The following FAM118B variants were observed in gnomAD, a reference collection of about 807,000 sequenced individuals.
The protein encoded by FAM118B is protein FAM118B.
In FAM118B, 24 loss-of-function variants were observed where a neutral mutation model predicts 38.5. The observed-to-expected ratio is 0.62, with a 90% CI of 0.45 to 0.88. FAM118B has a LOEUF of 0.88. FAM118B is among the 40% of genes least tolerant of loss of function. The pLI, the probability that FAM118B is intolerant of heterozygous loss-of-function variation, is 0.00. For missense variants in FAM118B, 334 were observed against 420.0 expected (o/e 0.80, Z 1.79); for synonymous variants, 138 against 156.3 (o/e 0.88, Z 0.87).
At chr11:126,235,813 C>T (rs1950267331) in intron 3 of FAM118B, among the ~76,000 whole-genome samples, 1 of 148,832 alleles carries the variant, frequency 6.7e-6, no homozygotes, top group South Asian at 2.1e-4. Flanking sequence ...GCCACTGTGC[C>T]CGGCCTGGTT....
rs1020440413 is a variant in FAM118B at position 126,261,432 on chromosome 11, G to C, written c.990G>C (p.Met330Ile). 14 of 1,613,788 alleles carry C rather than the reference G, an allele frequency of 8.7e-6. No homozygotes were observed. The highest frequency in any genetic ancestry group is 1.2e-5 in the Non-Finnish European group (14 of 1,179,720). ...CTGATGTCCTCTATTTAGCAGGGAT[G>C]GTGAGAGAAGGTCAGCTAAATGGCT... is the stretch of plus-strand genomic sequence containing the variant. ...EISTRGTSAG[M>I]VREGQLNGSS... is the part of the protein sequence containing the mutation. The change falls in exon 8 of 9, where the codon ATG becomes ATC. Residue 330 changes from methionine (M) to isoleucine (I), a missense_variant. Met to Ile is a conservative substitution (Grantham distance 10, BLOSUM62 1). Coordinates refer to ENST00000533050, the MANE Select transcript of FAM118B (RefSeq NM_024556.4).
At chr11:126,227,356 C>G (rs1950157188) in intron 1 of FAM118B, among the ~76,000 whole-genome samples, 1 of 152,112 alleles carries the variant, frequency 6.6e-6, no homozygotes, top group South Asian at 2.1e-4. Flanking sequence ...GCCACCGTGC[C>G]CAGCCACAAG....
chr11:126,245,648 C>G (rs1950409406), intron 4 of FAM118B, among the ~76,000 whole-genome samples: 1 of 150,662 alleles, frequency 6.6e-6, no homozygotes. Flanking sequence ...CAGCTATGAT[C>G]ATGTCATTGT....
At chr11:126,226,164 T>C (rs1483721275) in intron 1 of FAM118B, among the ~76,000 whole-genome samples, 5 of 122,380 alleles carry the variant, frequency 4.1e-5, no homozygotes, top group African/African-American at 1.7e-4. Context: ...GAAAGGAACG[T>C]GGCGCAAGTT....
At chr11:126,259,158 T>TA (rs1192022251) in intron 7 of FAM118B, among the ~76,000 whole-genome samples, 1 of 152,240 alleles carries the variant, frequency 6.6e-6, no homozygotes, top group Non-Finnish European at 1.5e-5. Context: ...GAGTCAACCT[T>TA]ATCTTTCACC....
At chr11:126,223,678 T>C (rs1344801137) in intron 1 of FAM118B, among the ~76,000 whole-genome samples, 2 of 152,142 alleles carry the variant, frequency 1.3e-5, no homozygotes, top group East Asian at 1.9e-4. Context: ...TAAGAGAAAC[T>C]GATTTCTTAG....
At chr11:126,218,445 T>G (rs1950011242) in intron 1 of FAM118B, among the ~76,000 whole-genome samples, 1 of 152,200 alleles carries the variant, frequency 6.6e-6, no homozygotes, top group African/African-American at 2.4e-5. Flanking sequence ...TCCAGAAGCA[T>G]TTCCCACCAT....
intron 8 of FAM118B, 120 bp from the exon 9 acceptor site, chr11:126,261,999 AT>A: frequency 1.1e-6 from 1 of 902,694 alleles, no homozygotes; most frequent in Non-Finnish European, 1.7e-6. Flanking sequence ...AAATTACAAG[AT>A]TCCTAGAATC....
chr11:126,247,933 A>G (rs1242467763), intron 4 of FAM118B, among the ~76,000 whole-genome samples: 2 of 147,110 alleles, frequency 1.4e-5, no homozygotes, highest in Admixed American at 6.9e-5. Flanking sequence ...ATATCTATAT[A>G]TATATTTTTG....
intron 1 of FAM118B, among the ~76,000 whole-genome samples, chr11:126,222,119 G>A (rs1056072873): frequency 1.3e-5 from 2 of 152,116 alleles, no homozygotes; most frequent in Non-Finnish European, 2.9e-5. Context: ...TGTAATAGTC[G>A]TGTGACCTTT....
intron 4 of FAM118B, chr11:126,241,388 A>T: frequency 5.1e-6 from 1 of 197,414 alleles, no homozygotes; most frequent in Non-Finnish European, 1.0e-5. Context: ...AATCCCACAA[A>T]GATTGGAGAT....
chr11:126,214,481 T>G (rs1488459742), intron 1 of FAM118B: 1 of 142,074 alleles, frequency 7.0e-6, no homozygotes, highest in Non-Finnish European at 1.5e-5. Context: ...AAAAAACTCT[T>G]TTGTTTCTGT....
At chr11:126,236,110 G>T (rs150249125) in intron 3 of FAM118B, among the ~76,000 whole-genome samples, 3 of 152,084 alleles carry the variant, frequency 2.0e-5, no homozygotes, top group African/African-American at 4.8e-5. Flanking sequence ...GTCCTGTTGC[G>T]TTCCTGATAT....
intron 6 of FAM118B, among the ~76,000 whole-genome samples, chr11:126,254,921 A>T (rs563382539): frequency 6.6e-6 from 1 of 152,204 alleles, no homozygotes; most frequent in South Asian, 2.1e-4. Flanking sequence ...ATTTCTCTTA[A>T]GGTGTCAAAC....
Position 126,250,878 on chromosome 11 carries a change from T to C in FAM118B, c.567+145T>C. 1 of 618,734 alleles carries C rather than the reference T, an allele frequency of 1.6e-6. No homozygotes were observed. 38.3% of individuals were successfully genotyped at this position (618,734 alleles called of 1,614,324 possible). The stretch of plus-strand genomic sequence containing the variant: ...TGGTTGGAGTTTTTGTTTTTCTTTT[T>C]TCTTTCTTTTTAAAGATCAAATCAA... On this transcript the variant is annotated intron_variant, in intron 5 of 8. Transcript: ENST00000533050. The surrounding 1 kb of genome is among the most constrained non-coding windows in gnomAD (Gnocchi z 5.1).
intron 4 of FAM118B, among the ~76,000 whole-genome samples, chr11:126,243,321 A>G (rs961696293): frequency 1.3e-5 from 2 of 152,194 alleles, no homozygotes; most frequent in Non-Finnish European, 2.9e-5. Context: ...GAAAATGACT[A>G]AACACAGTGG....
chr11:126,242,416 C>G (rs1034122779), intron 4 of FAM118B, among the ~76,000 whole-genome samples: 12 of 151,942 alleles, frequency 7.9e-5, no homozygotes, highest in Non-Finnish European at 1.5e-4. Context: ...ATAGTGAGAC[C>G]CTGTCTCTAC....
At chr11:126,232,416 T>C (rs1950218674) in intron 2 of FAM118B, among the ~76,000 whole-genome samples, 1 of 152,304 alleles carries the variant, frequency 6.6e-6, no homozygotes, top group East Asian at 1.9e-4. Context: ...AATGAGTTAA[T>C]GTTTATAAAT....
intron 1 of FAM118B, among the ~76,000 whole-genome samples, chr11:126,216,978 G>A (rs545446955): frequency 3.0e-4 from 45 of 152,372 alleles, no homozygotes; most frequent in African/African-American, 1.1e-3. Flanking sequence ...TGGACAGGAC[G>A]CTGTCTATGC....
Sources: allele counts gnomAD v4.1 joint callset (sites outside exome capture counted in the v4.1 genomes callset), GRCh38; gene constraint gnomAD v4.1.1; non-coding constraint Gnocchi (gnomAD v3.1); transcripts MANE v1.5; gene names NCBI Gene and HGNC (gene_info 2026-07-23, HGNC 2026-07-21).